IQGAP1: variants seen among roughly 807,000 people sequenced by gnomAD.
IQGAP1 encodes the protein ras GTPase-activating-like protein IQGAP1.
A neutral mutation model predicts 215.6 loss-of-function variants in IQGAP1; 66 were observed. That is an observed-to-expected ratio of 0.31 (90% confidence interval 0.25 to 0.38). The LOEUF is 0.38. Among genes scored for constraint, IQGAP1 ranks in the 10% least tolerant of loss-of-function variants. The pLI, the probability that IQGAP1 is intolerant of heterozygous loss-of-function variation, is 1.00. For missense variants in IQGAP1, 1,712 were observed against 1,997.1 expected, an observed-to-expected ratio of 0.86 and a Z score of 2.72; for synonymous variants, 772 against 728.7, an observed-to-expected ratio of 1.06 and a Z score of -0.96.
At chr15:90,433,690 C>G in intron 4 of IQGAP1, 29 bp from the exon 5 acceptor site, 1 of 1,318,278 alleles carries the variant, frequency 7.6e-7, no homozygotes, top group Non-Finnish European at 1.1e-6. Context: ...GAATGGATAT[C>G]TTACTCTGTT....
At chr15:90,485,846 C>T (rs992865129) in intron 30 of IQGAP1, among the ~76,000 whole-genome samples, 184 bp from the exon 31 acceptor site, 1 of 152,078 alleles carries the variant, frequency 6.6e-6, no homozygotes, top group African/African-American at 2.4e-5. Context: ...TTCAACAGAG[C>T]CTGGTGTGGT....
At chr15:90,496,922 T>A in intron 36 of IQGAP1, 1 of 192,572 alleles carries the variant, frequency 5.2e-6, no homozygotes, top group Non-Finnish European at 1.1e-5. Flanking sequence ...TTTGGCCATG[T>A]GGAAGTGAAG....
In IQGAP1 at chr15:90,500,053, A is replaced by C; in HGVS notation, c.4919A>C (p.Lys1640Thr). The change falls in exon 38 of 38, where the codon AAA becomes ACA. Residue 1640 changes from lysine to threonine, a missense_variant. Transcript: ENST00000268182. ...VAVMKLFDRA[K>T]VNVNLLIFLL... Reference sequence around the variant, plus strand: ...GTCATGAAATTATTTGATAGAGCTAAAGTAAATGTCAACCTCCTGATCTTC... The same window carrying C: ...GTCATGAAATTATTTGATAGAGCTACAGTAAATGTCAACCTCCTGATCTTC... 6.2e-7 allele frequency: 1 copy of C among 1,613,230 alleles called. No individual in the cohort carries two copies. Among genetic ancestry groups the C allele is most frequent in the Non-Finnish European group, 8.5e-7 (1 of 1,179,160 alleles).
Position 90,486,935 on chromosome 15 carries a change from C to T in IQGAP1, c.4025-19C>T, listed in dbSNP as rs1966135244. The T allele has an allele frequency of 1.9e-6, 3 of 1,612,250 alleles. No individual in the cohort carries two copies. Among genetic ancestry groups the T allele is most frequent in the Middle Eastern group, 1.7e-4 (1 of 6,054 alleles). On this transcript the variant is annotated intron_variant, in intron 31 of 37. Transcript: ENST00000268182. The stretch of plus-strand genomic sequence containing the variant: ...CTCTCTTTATTACGCTGACTCTTTC[C>T]ACCCTCCCAAAACTTCAGGGGAAAG...
At chr15:90,458,805 AG>A in intron 15 of IQGAP1, among the ~76,000 whole-genome samples, 1 of 152,178 alleles carries the variant, frequency 6.6e-6, no homozygotes, top group Admixed American at 6.5e-5. Context: ...CCCTCTCCAC[AG>A]CATCAAGTGA....
rs1194371596 is a variant in IQGAP1, at chr15:90,472,895, A to G, written c.2234A>G (p.Asn745Ser). 12 of 1,613,918 alleles carry G rather than the reference A, an allele frequency of 7.4e-6. No homozygotes were observed. The highest frequency in any genetic ancestry group is 2.7e-5 in the African/African-American group (2 of 74,898). ...AYNREQLWLA[N>S]EGLITRLQAR... ...AACCGAGAACAGCTGTGGCTGGCCA[A>G]TGAAGGCCTGATCACCAGGCTGCAG... is the stretch of plus-strand genomic sequence containing the variant. Residue 745 changes from asparagine (N) to serine (S), a missense_variant, in exon 19 of 38, where the codon AAT becomes AGT. Coordinates refer to ENST00000268182, the MANE Select transcript of IQGAP1 (RefSeq NM_003870.4).
At chr15:90,468,498 T>G (rs1965862399) in intron 18 of IQGAP1, among the ~76,000 whole-genome samples, 1 of 152,202 alleles carries the variant, frequency 6.6e-6, no homozygotes, top group Middle Eastern at 3.2e-3. Context: ...CTGTCAAAAT[T>G]CTTTCCTTCC....
At position 90,500,471 on chromosome 15, in the gene IQGAP1, A is replaced by T. The variant is rs1240514532; in HGVS notation, c.*363A>T. 1.2e-5 allele frequency: 2 copies of T among 172,660 alleles called. No homozygotes were observed. Among genetic ancestry groups the T allele is most frequent in the Non-Finnish European group, 2.5e-5 (2 of 79,800 alleles). The allele number at this position is 172,660 out of a possible 1,614,324, so 10.7% of individuals were successfully genotyped here. ...TTAGCAATAGGGATGGTAGGATTCA[A>T]ATGTGTGTCATTTAGAAGTGGAAGC... On this transcript the variant is annotated 3_prime_UTR_variant, in exon 38 of 38. Coordinates refer to ENST00000268182, the MANE Select transcript of IQGAP1 (RefSeq NM_003870.4).
intron 18 of IQGAP1, among the ~76,000 whole-genome samples, chr15:90,472,435 C>G (rs1366299863): frequency 6.6e-6 from 1 of 152,138 alleles, no homozygotes; most frequent in Admixed American, 6.6e-5. Context: ...TCTGGTCTCT[C>G]CCCCTGAGAT....
chr15:90,411,671 G>A (rs374135070), intron 2 of IQGAP1, among the ~76,000 whole-genome samples: 2 of 152,142 alleles, frequency 1.3e-5, no homozygotes, highest in South Asian at 2.1e-4. Context: ...CTGCTCACAG[G>A]TTAGTAATGA....
At chr15:90,492,421 A>G (rs1966218468) in intron 34 of IQGAP1, 124 bp from the exon 35 acceptor site, 2 of 242,738 alleles carry the variant, frequency 8.2e-6, no homozygotes, top group East Asian at 9.3e-5. Context: ...AGAGTGTCTA[A>G]AAAAAAAAAA....
chr15:90,472,958 G>A lies in IQGAP1; in HGVS notation c.2297G>A (p.Arg766Gln), dbSNP rs980602514. ...CRGYLVRQEF[R>Q]SRMNFLKKQI... The stretch of plus-strand genomic sequence containing the variant: ...GGATACTTAGTTCGACAGGAATTCC[G>A]ATCCAGGATGAATTTCCTGAAGAAA... Residue 766 changes from arginine (R) to glutamine (Q), a missense_variant, in exon 19 of 38, where the codon CGA becomes CAA. Transcript: ENST00000268182. 7.4e-6 allele frequency: 12 copies of A among 1,613,838 alleles called. No homozygotes were observed. Among genetic ancestry groups the A allele is most frequent in the African/African-American group, 4.0e-5 (3 of 74,842 alleles).
At position 90,402,136 on chromosome 15, in the gene IQGAP1, T is replaced by C. The variant is rs981305249; in HGVS notation, c.155+11263T>C. Among the ~76,000 whole-genome samples, 4 of 152,142 alleles carry C rather than the reference T, an allele frequency of 2.6e-5. No homozygotes were observed. In the South Asian group the frequency reaches 8.3e-4, roughly 32 times the overall value. ...CAATTTCCTGCCACTTATTTTGGAG[T>C]CTCTTCCACCTGCCACCTGAGGGAA... On this transcript the variant is annotated intron_variant, in intron 2 of 37. Coordinates refer to ENST00000268182, the MANE Select transcript of IQGAP1 (RefSeq NM_003870.4).
chr15:90,436,556 C>T lies in IQGAP1; in HGVS notation c.467+2761C>T, dbSNP rs573033409. On this transcript the variant is annotated intron_variant, in intron 5 of 37. Coordinates refer to ENST00000268182, the MANE Select transcript of IQGAP1 (RefSeq NM_003870.4). ...GATAATTAGAATCCAGATAGATTAA[C>T]ATAGCTTCCTTCTGCCCATTGCTAC... 3.3e-5 allele frequency among the ~76,000 whole-genome samples: 5 copies of T among 152,322 alleles called. No individual in the cohort carries two copies. In the East Asian group the frequency reaches 7.7e-4, roughly 23 times the overall value.
chr15:90,403,121 T>TA (rs1173555210), intron 2 of IQGAP1, among the ~76,000 whole-genome samples: 2 of 151,384 alleles, frequency 1.3e-5, no homozygotes, highest in East Asian at 1.9e-4. Flanking sequence ...ATATAAGAAA[T>TA]AAAAAAAAGC....
Position 90,456,302 on chromosome 15 carries a change from G to A in IQGAP1, c.1763G>A (p.Arg588Lys). ...CAAGACACGCTGATTAGAGCGAAGAGAGAGAAAGCCCAGGTGAGTGGCATC... is the reference window on the plus strand; with the variant it reads ...CAAGACACGCTGATTAGAGCGAAGAAAGAGAAAGCCCAGGTGAGTGGCATC... ...HYQDTLIRAK[R>K]EKAQEIQDES... Residue 588 changes from arginine (R) to lysine (K), a missense_variant, in exon 15 of 38, where the codon AGA (arginine) becomes AAA (lysine). Coordinates refer to ENST00000268182, the MANE Select transcript of IQGAP1 (RefSeq NM_003870.4). 1 of 1,614,024 alleles carries A rather than the reference G, an allele frequency of 6.2e-7. No homozygotes were observed. The highest frequency in any genetic ancestry group is 8.5e-7 in the Non-Finnish European group (1 of 1,179,932).
intron 2 of IQGAP1, among the ~76,000 whole-genome samples, chr15:90,394,347 T>G (rs1964683275): frequency 6.6e-6 from 1 of 152,008 alleles, no homozygotes; most frequent in South Asian, 2.1e-4. Flanking sequence ...GGCTTTGATT[T>G]TAAAAAATCA....
At chr15:90,392,551 C>A (rs1450498189) in intron 2 of IQGAP1, among the ~76,000 whole-genome samples, 1 of 152,078 alleles carries the variant, frequency 6.6e-6, no homozygotes, top group Non-Finnish European at 1.5e-5. Context: ...AGTAGCTCTG[C>A]TTTTGTTTTA....
chr15:90,393,025 G>C (rs1195772547), intron 2 of IQGAP1, among the ~76,000 whole-genome samples: 2 of 151,756 alleles, frequency 1.3e-5, no homozygotes, highest in Admixed American at 1.3e-4. Flanking sequence ...AATTACAAAC[G>C]TGAGCTGCTG....
Sources: allele counts gnomAD v4.1 joint callset (sites outside exome capture counted in the v4.1 genomes callset), GRCh38; gene constraint gnomAD v4.1.1; transcripts MANE v1.5; gene names NCBI Gene and HGNC (gene_info 2026-07-23, HGNC 2026-07-21).